Variants in RBFOX3 observed in about 807,000 individuals in gnomAD.
RBFOX3 encodes the protein RNA binding fox-1 homolog 3, also known as RNA binding protein fox-1 homolog 3.
In RBFOX3, 17 loss-of-function variants were observed where a neutral mutation model predicts 48.7. That is an observed-to-expected ratio of 0.35 (90% CI 0.24 to 0.52). The LOEUF (loss-of-function observed/expected upper bound fraction) is 0.52, where lower values mean the gene tolerates loss of function less well. RBFOX3 is among the 20% of genes least tolerant of loss of function. The pLI is 0.94. For missense variants in RBFOX3, 382 were observed against 497.5 expected (o/e 0.77, Z 2.21); for synonymous variants, 212 against 209.5 (o/e 1.01, Z -0.10).
rs538200199 is a variant in RBFOX3 at position 79,199,178 on chromosome 17, G to T, written c.-34+36588C>A. On this transcript the variant is annotated intron_variant, in intron 4 of 14. Transcript: ENST00000693108. This position sits in a 1 kb window ranked among gnomAD's most constrained non-coding sequence, Gnocchi z 5.1. ...TGTGGTCATAGGGTGGGGATGGGAA[G>T]GCAGACTCTGGCTGGCTCACTCTGC... Among the ~76,000 whole-genome samples, 1 of 152,270 alleles carries T rather than the reference G, an allele frequency of 6.6e-6. No individual in the cohort carries two copies. Among genetic ancestry groups the T allele is most frequent in the African/African-American group, 2.4e-5 (1 of 41,536 alleles).
the RBFOX3 span, among the ~76,000 whole-genome samples, chr17:79,638,533 G>A: frequency 6.6e-6 from 1 of 152,144 alleles, no homozygotes. Flanking sequence ...CCAAAACTGA[G>A]TCAGGAAGAA....
chr17:79,367,879 C>T (rs1048031690), intron 2 of RBFOX3, among the ~76,000 whole-genome samples: 2 of 152,206 alleles, frequency 1.3e-5, no homozygotes, highest in Non-Finnish European at 2.9e-5. Flanking sequence ...GACAATCGTT[C>T]ACTATGAATG....
In RBFOX3 at chr17:79,299,513, C is replaced by T. The variant is rs117906717; in HGVS notation, c.-74+8211G>A. ...CATCTACATTGTATGAGGCCTTGTG[C>T]GTCACCTAGAGGTGATCTCCAGGGT... On this transcript the variant is annotated intron_variant, in intron 3 of 14. Transcript: ENST00000693108. This position sits in a 1 kb window ranked among gnomAD's most constrained non-coding sequence, Gnocchi z 4.5. Among the ~76,000 whole-genome samples, 64 of 152,298 alleles carry T rather than the reference C, an allele frequency of 4.2e-4. No individual in the cohort carries two copies. In the East Asian group the frequency reaches 0.012, roughly 29 times the overall value.
At chr17:79,122,727 C>T (rs941447714) in intron 4 of RBFOX3, among the ~76,000 whole-genome samples, 3 of 152,092 alleles carry the variant, frequency 2.0e-5, no homozygotes, top group Non-Finnish European at 4.4e-5. Context: ...GAAAGGAAAT[C>T]AGTATATGGA....
intron 3 of RBFOX3, among the ~76,000 whole-genome samples, chr17:79,270,172 A>G (rs561296330): frequency 1.3e-5 from 2 of 151,998 alleles, no homozygotes; most frequent in East Asian, 1.9e-4. Context: ...GTCAGTTTCC[A>G]TGGAGGAGCA....
At chr17:79,649,654 G>A in the RBFOX3 span, among the ~76,000 whole-genome samples, 15 of 152,156 alleles carry the variant, frequency 9.9e-5, no homozygotes, top group Admixed American at 6.5e-4. Context: ...TGCAGTGGGC[G>A]GAGATAGCGC....
chr17:79,400,625 C>T (rs575705422), intron 2 of RBFOX3, among the ~76,000 whole-genome samples: 59 of 88,448 alleles, frequency 6.7e-4, no homozygotes, highest in African/African-American at 2.3e-3. Flanking sequence ...CACGTGTGAC[C>T]CGCGAATTAA....
At chr17:79,107,917 C>CT (rs2077717653) in intron 5 of RBFOX3, among the ~76,000 whole-genome samples, 1 of 152,246 alleles carries the variant, frequency 6.6e-6, no homozygotes, top group African/African-American at 2.4e-5. Context: ...GCGGGGTGCC[C>CT]TGGAGGGGTT....
chr17:79,475,857 T>C (rs2077661827), intron 2 of RBFOX3, among the ~76,000 whole-genome samples: 1 of 152,230 alleles, frequency 6.6e-6, no homozygotes, highest in African/African-American at 2.4e-5. Flanking sequence ...CCTCCGTGTG[T>C]GGGACAGTTT....
At chr17:79,412,457 GTGTA>G (rs1015372963) in intron 2 of RBFOX3, among the ~76,000 whole-genome samples, 5 of 151,916 alleles carry the variant, frequency 3.3e-5, no homozygotes, top group African/African-American at 4.8e-5. Context: ...TGAGCGTATT[GTGTA>G]TGTGTGTGCA....
Position 79,198,805 on chromosome 17 carries a change from T to A in RBFOX3, c.-34+36961A>T, listed in dbSNP as rs2056234050. 2.0e-5 allele frequency among the ~76,000 whole-genome samples: 3 copies of A among 152,112 alleles called. No homozygotes were observed. The highest frequency in any genetic ancestry group is 2.0e-4 in the Admixed American group (3 of 15,270). On this transcript the variant is annotated intron_variant, in intron 4 of 14. Transcript: ENST00000693108. The surrounding 1 kb of genome is among the most constrained non-coding windows in gnomAD (Gnocchi z 8.2). ...CACACCCAGCTAATTTTTTTTGTAC[T>A]TTTGGTAGAGATGGCGTTTCATCAT...
At chr17:79,633,598 GT>G in the RBFOX3 span, among the ~76,000 whole-genome samples, 1,212 of 147,714 alleles carry the variant, frequency 8.2e-3, 11 homozygotes, top group African/African-American at 0.028. Flanking sequence ...TCCAGCGGCT[GT>G]TTTTTTTTTT....
intron 2 of RBFOX3, among the ~76,000 whole-genome samples, chr17:79,370,057 G>A (rs1194509268): frequency 6.6e-6 from 1 of 152,180 alleles, no homozygotes; most frequent in Non-Finnish European, 1.5e-5. Flanking sequence ...TCACACCTGG[G>A]GCCTCGCTGG....
At chr17:79,617,820 A>G in the RBFOX3 span, among the ~76,000 whole-genome samples, 1 of 152,158 alleles carries the variant, frequency 6.6e-6, no homozygotes, top group Non-Finnish European at 1.5e-5. Flanking sequence ...GAGGCCCAGA[A>G]TGTCCCGTGG....
chr17:79,583,850 G>A (rs1423389469), intron 1 of RBFOX3, among the ~76,000 whole-genome samples: 1 of 152,226 alleles, frequency 6.6e-6, no homozygotes. Flanking sequence ...CAGAGAAGGT[G>A]GTGGCCATGG....
intron 4 of RBFOX3, among the ~76,000 whole-genome samples, chr17:79,152,528 G>C (rs1373235153): frequency 2.0e-5 from 3 of 152,200 alleles, no homozygotes; most frequent in African/African-American, 7.2e-5. Flanking sequence ...CATTCTGTGA[G>C]CTTCTTCACC....
chr17:79,129,820 ATAC>A (rs1343177322), intron 4 of RBFOX3, among the ~76,000 whole-genome samples: 3 of 152,260 alleles, frequency 2.0e-5, no homozygotes, highest in Non-Finnish European at 4.4e-5. Context: ...CTGGGAAGAG[ATAC>A]TTACAGTCCA....
chr17:79,269,590 C>T (rs4789983), intron 3 of RBFOX3, among the ~76,000 whole-genome samples: 4 of 151,454 alleles, frequency 2.6e-5, no homozygotes, highest in South Asian at 2.1e-4. Context: ...CCCTGGGGAT[C>T]GTCCCATCCA....
chr17:79,530,499 T>C (rs1280109645), intron 1 of RBFOX3, among the ~76,000 whole-genome samples: 3 of 151,994 alleles, frequency 2.0e-5, no homozygotes, highest in African/African-American at 7.2e-5. Flanking sequence ...GGCCAACTGA[T>C]GGTAGTTTAC....
Sources: allele counts gnomAD v4.1 joint callset (sites outside exome capture counted in the v4.1 genomes callset), GRCh38; gene constraint gnomAD v4.1.1; non-coding constraint Gnocchi (gnomAD v3.1); transcripts MANE v1.5; gene names NCBI Gene and HGNC (gene_info 2026-07-23, HGNC 2026-07-21).